CGN: variants seen among roughly 807,000 people sequenced by gnomAD.
CGN encodes the protein cingulin.
Under a neutral mutation model 157.1 loss-of-function variants are expected in CGN, and 121 were observed. That is an observed-to-expected ratio of 0.77 (90% CI 0.66 to 0.90). The LOEUF (loss-of-function observed/expected upper bound fraction) is 0.90, where lower values mean the gene tolerates loss of function less well. Ranked by LOEUF, CGN falls within the 40% of genes least tolerant of loss-of-function variation. The pLI is 0.00. For synonymous variants in CGN, 535 were observed against 607.5 expected, an observed-to-expected ratio of 0.88 and a Z score of 1.76; for missense variants, 1,424 against 1,520.9, an observed-to-expected ratio of 0.94 and a Z score of 1.06.
In CGN at chr1:151,536,389, T is replaced by C. The variant is rs771757816; in HGVS notation, c.3306+44T>C. ...GGAGCCAAGCAACCTGGGGCAGGTA[T>C]ATATTATATGTTTTCCTGAAAGCCA... is the stretch of plus-strand genomic sequence containing the variant. On this transcript the variant is annotated intron_variant, in intron 19 of 20. Coordinates refer to ENST00000271636, the MANE Select transcript of CGN (RefSeq NM_020770.3). 15 of 1,111,984 alleles carry C rather than the reference T, an allele frequency of 1.3e-5. No homozygotes were observed. The South Asian group carries it at 1.5e-4, about 11-fold the overall frequency. 68.9% of individuals were successfully genotyped at this position (1,111,984 alleles called of 1,614,324 possible).
chr1:151,531,450 A>G (rs757716885), intron 13 of CGN, among the ~76,000 whole-genome samples: 1 of 152,198 alleles, frequency 6.6e-6, no homozygotes, highest in Non-Finnish European at 1.5e-5. Flanking sequence ...CTCTTTATAG[A>G]TGGGGAATTG....
In CGN at chr1:151,529,426, G is replaced by A. The variant is rs746031448; in HGVS notation, c.1973G>A (p.Arg658Gln). The A allele has an allele frequency of 8.1e-5, 130 of 1,613,698 alleles. 2 individuals are homozygous for A. Among genetic ancestry groups the A allele is most frequent in the South Asian group, 5.4e-4 (49 of 91,056 alleles). ...RQSQEVAGRH[R>Q]DRELEKQLAV... is the part of the protein sequence containing the mutation. Reference sequence around the variant, plus strand: ...AGCCAGGAGGTGGCTGGGCGACACCGGGACCGGGAGTTGGAGAAGCAGCTG... The same window carrying A: ...AGCCAGGAGGTGGCTGGGCGACACCAGGACCGGGAGTTGGAGAAGCAGCTG... The change falls in exon 11 of 21, where the codon CGG (arginine) becomes CAG (glutamine). Residue 658 changes from arginine to glutamine, a missense_variant. Coordinates refer to ENST00000271636, the MANE Select transcript of CGN (RefSeq NM_020770.3).
chr1:151,525,477 G>A (rs907388365), intron 8 of CGN, 165 bp from the exon 9 acceptor site: 1 of 459,114 alleles, frequency 2.2e-6, no homozygotes. Flanking sequence ...GTGACTTGAG[G>A]AGAGAATCTC....
At chr1:151,529,168 GA>G (rs1422358277) in intron 10 of CGN, among the ~76,000 whole-genome samples, 181 bp from the exon 11 acceptor site, 1 of 152,156 alleles carries the variant, frequency 6.6e-6, no homozygotes, top group Admixed American at 6.5e-5. Flanking sequence ...CCTAAGAGTG[GA>G]ATTGCTGGTG....
chr1:151,521,486 A>G (rs1158199709), intron 5 of CGN, among the ~76,000 whole-genome samples: 1 of 152,224 alleles, frequency 6.6e-6, no homozygotes. Context: ...AGTGGGGATT[A>G]TGATAGTACT....
intron 1 of CGN, among the ~76,000 whole-genome samples, chr1:151,513,562 C>G (rs1664347628): frequency 6.6e-6 from 1 of 152,236 alleles, no homozygotes; most frequent in Non-Finnish European, 1.5e-5. Context: ...CTCCCGTTTT[C>G]TAAATCTGCC....
In CGN at chr1:151,530,679, G is replaced by C; in HGVS notation, c.2504G>C (p.Arg835Pro). 6.4e-7 allele frequency: 1 copy of C among 1,564,246 alleles called. No individual in the cohort carries two copies. The highest frequency in any genetic ancestry group is 8.7e-7 in the Non-Finnish European group (1 of 1,153,618). Residue 835 changes from arginine (R) to proline (P), a missense_variant, in exon 13 of 21, where the codon CGA becomes CCA. By Grantham distance (103) the Arg-to-Pro change is moderately radical. This residue lies in a region of CGN where 1,187 missense variants were observed against 1,217.6 expected (regional missense o/e 0.97). Coordinates refer to ENST00000271636, the MANE Select transcript of CGN (RefSeq NM_020770.3). Reference sequence around the variant, plus strand: ...GGGAAGCAGCGGGAGGTGCTCCGGCGAGGCAAGGCTGAGCTGGAGGAGCAG... The same window carrying C: ...GGGAAGCAGCGGGAGGTGCTCCGGCCAGGCAAGGCTGAGCTGGAGGAGCAG... The part of the protein sequence containing the change: ...EEGKQREVLR[R>P]GKAELEEQKR...
Position 151,526,985 on chromosome 1 carries a change from C to T in CGN, c.1774C>T (p.Leu592=), listed in dbSNP as rs1394476604. 2 of 1,614,014 alleles carry T rather than the reference C, an allele frequency of 1.2e-6. No individual in the cohort carries two copies. Among genetic ancestry groups the T allele is most frequent in the African/African-American group, 2.7e-5 (2 of 74,914 alleles). The change falls in exon 10 of 21, where the codon CTG becomes TTG. Residue 592 remains leucine (L), a synonymous_variant. Transcript: ENST00000271636. The stretch of plus-strand genomic sequence containing the variant: ...CCTTGCCTGGCTCAGACTCCTGCAG[C>T]TGCGAATGGAGAAGGAGGAGATGGA... ...LRATKQELLQ[L]RMEKEEMEEE...
intron 1 of CGN, among the ~76,000 whole-genome samples, chr1:151,516,160 C>G (rs1557985118): frequency 6.6e-6 from 1 of 152,194 alleles, no homozygotes; most frequent in African/African-American, 2.4e-5. Context: ...ATCCCTTCCC[C>G]TCCCTTCTCA....
In CGN at chr1:151,511,619, G is replaced by T. The variant is rs1246239269; in HGVS notation, c.-15+104G>T. On this transcript the variant is annotated intron_variant, in intron 1 of 20. Coordinates refer to ENST00000271636, the MANE Select transcript of CGN (RefSeq NM_020770.3). The surrounding 1 kb of genome is among the most constrained non-coding windows in gnomAD (Gnocchi z 4.8). ...GGCGGTGTGAGATGCCCCTCTCCAG[G>T]GCACCGGTGCCGAGTGGGAGACGGG... The T allele has an allele frequency of 6.5e-6, 1 of 153,006 alleles. No homozygotes were observed. The highest frequency in any genetic ancestry group is 2.4e-5 in the African/African-American group (1 of 41,396). 9.5% of individuals were successfully genotyped at this position (153,006 alleles called of 1,614,324 possible).
rs1665008712 is a variant in CGN, at chr1:151,538,038, A to G, written c.*692A>G. The stretch of plus-strand genomic sequence containing the variant: ...TCCAAAGACCAGCTTTTCCCCAGCC[A>G]GGGCCCTCAGCCTTCCCTGCTGCCC... On this transcript the variant is annotated 3_prime_UTR_variant, in exon 21 of 21. Transcript: ENST00000271636. 6.5e-6 allele frequency: 1 copy of G among 152,720 alleles called. No homozygotes were observed. Among genetic ancestry groups the G allele is most frequent in the Non-Finnish European group, 1.5e-5 (1 of 68,112 alleles). 9.5% of individuals were successfully genotyped at this position (152,720 alleles called of 1,614,324 possible). A position where few individuals can be genotyped will look rare whatever the true frequency, so the allele number is the denominator to read the frequency against.
chr1:151,513,190 TC>T (rs1373110714), intron 1 of CGN, among the ~76,000 whole-genome samples: 2 of 152,224 alleles, frequency 1.3e-5, no homozygotes, highest in East Asian at 3.8e-4. Context: ...CCCCTCTGCC[TC>T]CTCCGTGGTG....
Position 151,524,902 on chromosome 1 carries a change from A to G in CGN, c.1614+16A>G. 1 of 1,601,636 alleles carries G rather than the reference A, an allele frequency of 6.2e-7. No homozygotes were observed. The highest frequency in any genetic ancestry group is 8.5e-7 in the Non-Finnish European group (1 of 1,172,996). ...TGCAACCCAGGCATGTGACAAGAGCAGGGTCTGAGAGAGGAGGGCACTGCT... is the reference window on the plus strand; with the variant it reads ...TGCAACCCAGGCATGTGACAAGAGCGGGGTCTGAGAGAGGAGGGCACTGCT... On this transcript the variant is annotated intron_variant, in intron 8 of 20. Transcript: ENST00000271636. The surrounding 1 kb of genome is among the most constrained non-coding windows in gnomAD (Gnocchi z 4.4).
intron 9 of CGN, 104 bp from the exon 10 acceptor site, chr1:151,526,871 G>A (rs553324499): frequency 1.5e-5 from 20 of 1,297,236 alleles, no homozygotes; most frequent in East Asian, 2.3e-5. Flanking sequence ...GGTGCCCAGC[G>A]TGTTGGCCTC....
rs377105312 is a variant in CGN, at chr1:151,529,868, C to T, written c.2107-41C>T. 1.0e-4 allele frequency: 158 copies of T among 1,574,154 alleles called. No individual in the cohort carries two copies. In the African/African-American group the frequency reaches 1.3e-3, roughly 13 times the overall value. The stretch of plus-strand genomic sequence containing the variant: ...CCAAGCCCTGGGGTCTGAGCTGCCA[C>T]GCCCTGGGGTCTGAGCTGCCACCCC... On this transcript the variant is annotated intron_variant, in intron 11 of 20. Transcript: ENST00000271636.
chr1:151,515,033 A>G (rs903637844), intron 1 of CGN, among the ~76,000 whole-genome samples: 8 of 143,708 alleles, frequency 5.6e-5, no homozygotes, highest in African/African-American at 1.8e-4. Flanking sequence ...TTTTTTTTTG[A>G]GATGGAGTCC....
chr1:151,519,819 G>GT (rs1323921873), intron 2 of CGN, among the ~76,000 whole-genome samples: 1 of 152,214 alleles, frequency 6.6e-6, no homozygotes, highest in African/African-American at 2.4e-5. Context: ...TGAGAGAAAC[G>GT]TAAGTCTGTT....
At position 151,536,356 on chromosome 1, in the gene CGN, G is replaced by A; in HGVS notation, c.3306+11G>A. On this transcript the variant is annotated intron_variant, in intron 19 of 20. Coordinates refer to ENST00000271636, the MANE Select transcript of CGN (RefSeq NM_020770.3). The stretch of plus-strand genomic sequence containing the variant: ...GACCAGAAAGACCAGGTGAGGACAT[G>A]GCACCCTGGAGCCAAGCAACCTGGG... The A allele has an allele frequency of 2.6e-6, 4 of 1,523,744 alleles. No individual in the cohort carries two copies. The highest frequency in any genetic ancestry group is 3.6e-6 in the Non-Finnish European group (4 of 1,097,674). The allele number at this position is 1,523,744 out of a possible 1,614,324, so 94.4% of individuals were successfully genotyped here.
At position 151,518,864 on chromosome 1, in the gene CGN, G is replaced by A. The variant is rs370327717; in HGVS notation, c.345G>A (p.Ser115=). The A allele has an allele frequency of 8.2e-5, 132 of 1,613,840 alleles. No individual in the cohort carries two copies. Among genetic ancestry groups the A allele is most frequent in the Non-Finnish European group, 1.0e-4 (120 of 1,179,930 alleles). Residue 115 remains serine (S), a synonymous_variant, in exon 2 of 21, where the codon TCG becomes TCA. Coordinates refer to ENST00000271636, the MANE Select transcript of CGN (RefSeq NM_020770.3). ...YSQVKGFPAP[S]QSSTSDEEPG... is the part of the protein sequence containing the mutation. ...AGGTCAAGGGATTTCCTGCCCCCTC[G>A]CAGAGCAGCACATCTGATGAGGAGC...
Sources: allele counts gnomAD v4.1 joint callset (sites outside exome capture counted in the v4.1 genomes callset), GRCh38; gene constraint gnomAD v4.1.1; regional missense constraint gnomAD v4.1.1; non-coding constraint Gnocchi (gnomAD v3.1); transcripts MANE v1.5; gene names NCBI Gene and HGNC (gene_info 2026-07-23, HGNC 2026-07-21).